Variants in PLCB4 observed in about 807,000 individuals in gnomAD.
The protein encoded by PLCB4 is phospholipase C beta 4, also known as 1-phosphatidylinositol 4,5-bisphosphate phosphodiesterase beta-4.
A neutral mutation model predicts 178.8 loss-of-function variants in PLCB4; 77 were observed. The observed-to-expected ratio is 0.43, with a 90% CI of 0.36 to 0.52. The LOEUF (loss-of-function observed/expected upper bound fraction) is 0.52, where lower values mean the gene tolerates loss of function less well. Among genes scored for constraint, PLCB4 ranks in the 20% least tolerant of loss-of-function variants. The probability of loss-of-function intolerance (pLI) is 0.00; values close to 1 mark genes in which losing one functional copy is unlikely to be tolerated. For missense variants in PLCB4, 1,024 were observed against 1,453.4 expected (o/e 0.70, Z 4.80); for synonymous variants, 496 against 490.8 (o/e 1.01, Z -0.14).
At chr20:9,252,079 TAA>T (rs1185196964) in intron 3 of PLCB4, among the ~76,000 whole-genome samples, 1 of 152,220 alleles carries the variant, frequency 6.6e-6, no homozygotes, top group Non-Finnish European at 1.5e-5. Flanking sequence ...AAGTCACAAT[TAA>T]AAGTGTTCAT....
chr20:9,330,109 A>G (rs1437614680), intron 4 of PLCB4, among the ~76,000 whole-genome samples: 2 of 152,208 alleles, frequency 1.3e-5, no homozygotes, highest in Non-Finnish European at 2.9e-5. Context: ...AGGAGAGGAA[A>G]TAAATAAGCC....
intron 4 of PLCB4, among the ~76,000 whole-genome samples, chr20:9,322,914 A>G (rs969655458): frequency 6.6e-6 from 1 of 152,212 alleles, no homozygotes; most frequent in African/African-American, 2.4e-5. Flanking sequence ...AACACCCACC[A>G]AGCACTAAGC....
At chr20:9,476,656 T>A in intron 38 of PLCB4, 61 bp from the exon 39 acceptor site, 1 of 1,156,146 alleles carries the variant, frequency 8.6e-7, no homozygotes, top group African/African-American at 1.5e-5. Context: ...TCAATATTCA[T>A]TTATTTTCTT....
In PLCB4 at chr20:9,427,014, C is replaced by T. The variant is rs1311778842; in HGVS notation, c.2524+3062C>T. Among the ~76,000 whole-genome samples, 8 of 152,164 alleles carry T rather than the reference C, an allele frequency of 5.3e-5. No individual in the cohort carries two copies. In the East Asian group the frequency reaches 1.6e-3, roughly 30 times the overall value. On this transcript the variant is annotated intron_variant, in intron 28 of 39. Transcript: ENST00000378473. ...CCGAGGCGCGTGGATCACATGAGGC[C>T]AAGAATTCAAGACCAGCCTGGCCAA...
chr20:9,477,822 A>G (rs1384398033), intron 39 of PLCB4, among the ~76,000 whole-genome samples: 1 of 152,174 alleles, frequency 6.6e-6, no homozygotes, highest in Non-Finnish European at 1.5e-5. Flanking sequence ...GGTTAAATTA[A>G]TTTTGTCACA....
At chr20:9,470,367 A>G (rs908711027) in intron 36 of PLCB4, among the ~76,000 whole-genome samples, 1 of 152,008 alleles carries the variant, frequency 6.6e-6, no homozygotes, top group African/African-American at 2.4e-5. Flanking sequence ...CATTCTCTGG[A>G]TGTTATTCTC....
chr20:9,201,674 A>T (rs1199669647), intron 2 of PLCB4, among the ~76,000 whole-genome samples: 2 of 152,236 alleles, frequency 1.3e-5, no homozygotes, highest in African/African-American at 4.8e-5. Flanking sequence ...TTTAAAAATC[A>T]CAATGAGATA....
chr20:9,082,867 A>G (rs6086757), intron 1 of PLCB4, among the ~76,000 whole-genome samples: 74,050 of 151,998 alleles, frequency 0.49, 18,547 homozygotes, highest in Middle Eastern at 0.57. Context: ...GAGGAAATTT[A>G]AAAGTGCAGA....
chr20:9,240,917 A>G (rs1308737704), intron 3 of PLCB4, among the ~76,000 whole-genome samples: 1 of 152,180 alleles, frequency 6.6e-6, no homozygotes, highest in Non-Finnish European at 1.5e-5. Context: ...TACACACCAG[A>G]ACTTTGTTAC....
At position 9,127,608 on chromosome 20, in the gene PLCB4, A is replaced by AT. The variant is rs2092150258; in HGVS notation, c.-79+31269dup. On this transcript the variant is annotated intron_variant, in intron 2 of 39. Coordinates refer to ENST00000378473, the MANE Select transcript of PLCB4 (RefSeq NM_001377142.1). ...AGGTGCCCTGCCCATACTACTCAAC[A>AT]TTTAACTTTTAAAAAAAACGGTGGT... Among the ~76,000 whole-genome samples the AT allele has an allele frequency of 2.0e-5, 3 of 151,708 alleles. No individual in the cohort carries two copies. In the South Asian group the frequency reaches 6.2e-4, roughly 32 times the overall value.
At chr20:9,478,310 GC>G (rs761566158) in intron 39 of PLCB4, among the ~76,000 whole-genome samples, 9 of 152,082 alleles carry the variant, frequency 5.9e-5, no homozygotes, top group Non-Finnish European at 8.8e-5. Context: ...AGAAGTAAGA[GC>G]CCACAGGGAT....
At chr20:9,082,356 T>C (rs1414261554) in intron 1 of PLCB4, among the ~76,000 whole-genome samples, 1 of 152,212 alleles carries the variant, frequency 6.6e-6, no homozygotes, top group African/African-American at 2.4e-5. Flanking sequence ...GAACATGTTT[T>C]ATAGTTCCAA....
chr20:9,241,586 C>T (rs1185254107), intron 3 of PLCB4, among the ~76,000 whole-genome samples: 1 of 152,156 alleles, frequency 6.6e-6, no homozygotes, highest in Non-Finnish European at 1.5e-5. Flanking sequence ...TCACCAGATG[C>T]ATTCAAGATT....
At chr20:9,094,626 G>T (rs1405758330) in intron 1 of PLCB4, among the ~76,000 whole-genome samples, 2 of 152,116 alleles carry the variant, frequency 1.3e-5, no homozygotes, top group Non-Finnish European at 2.9e-5. Flanking sequence ...ACTCATGGCA[G>T]TTTCGTTTCA....
intron 2 of PLCB4, among the ~76,000 whole-genome samples, chr20:9,103,047 C>T (rs1458502013): frequency 3.6e-5 from 5 of 140,338 alleles, no homozygotes; most frequent in East Asian, 2.0e-4. Context: ...TTTTTTGAGA[C>T]GGAGTCTTGC....
intron 2 of PLCB4, among the ~76,000 whole-genome samples, chr20:9,196,250 G>A (rs949263115): frequency 1.3e-5 from 2 of 152,140 alleles, no homozygotes; most frequent in Non-Finnish European, 2.9e-5. Context: ...ATTGAAACAA[G>A]TTTGCACTAA....
chr20:9,216,213 T>C (rs2093729594), intron 2 of PLCB4, among the ~76,000 whole-genome samples: 1 of 151,768 alleles, frequency 6.6e-6, no homozygotes, highest in Non-Finnish European at 1.5e-5. Context: ...GGAGTTTTTG[T>C]TTGTTTGTTT....
chr20:9,139,151 A>G (rs924919479), intron 2 of PLCB4, among the ~76,000 whole-genome samples: 5 of 152,102 alleles, frequency 3.3e-5, no homozygotes, highest in South Asian at 2.1e-4. Flanking sequence ...CTTCTTGTCT[A>G]TCTGTTTTAT....
chr20:9,390,426 G>T, intron 16 of PLCB4, 105 bp from the exon 17 acceptor site: 1 of 582,206 alleles, frequency 1.7e-6, no homozygotes, highest in Non-Finnish European at 3.2e-6. Flanking sequence ...GGACAATAAT[G>T]CATTTTGCCA....
Sources: allele counts gnomAD v4.1 joint callset (sites outside exome capture counted in the v4.1 genomes callset), GRCh38; gene constraint gnomAD v4.1.1; transcripts MANE v1.5; gene names NCBI Gene and HGNC (gene_info 2026-07-23, HGNC 2026-07-21).